C10orf67: variants seen among roughly 807,000 people sequenced by gnomAD.
The protein encoded by C10orf67 is uncharacterized protein C10orf67, mitochondrial.
Under a neutral mutation model 35.6 loss-of-function variants are expected in C10orf67, and 60 were observed. The ratio of observed to expected loss-of-function variants is 1.68; its 90% CI spans 1.37 to 2.09. The LOEUF (loss-of-function observed/expected upper bound fraction) is 2.09, where lower values mean the gene tolerates loss of function less well. Among genes scored for constraint, C10orf67 ranks in the 30% most tolerant of loss-of-function variants. The probability of loss-of-function intolerance (pLI) is 0.00; values close to 1 mark genes in which losing one functional copy is unlikely to be tolerated. For synonymous variants in C10orf67, 167 were observed against 115.8 expected (o/e 1.44, Z -2.84); for missense variants, 474 against 330.2 (o/e 1.44, Z -3.38).
In C10orf67 at chr10:23,303,459, G is replaced by T; in HGVS notation, c.547C>A (p.Gln183Lys). Reference sequence around the variant, plus strand: ...TTCTCTTCTTCTACCTCAAAGAATTGCTAGGGACAAAAAAAAGCAGCATTA... The same window carrying T: ...TTCTCTTCTTCTACCTCAAAGAATTTCTAGGGACAAAAAAAAGCAGCATTA... ...AIAVIKGMYQ[Q>K]FFEVEEENVS... The change falls in exon 5 of 16, where the codon CAA becomes AAA. Residue 183 changes from glutamine to lysine, a missense_variant and splice_region_variant. By Grantham distance (53) the Gln-to-Lys change is moderately conservative. Transcript: ENST00000636213. 1.8e-6 allele frequency: 1 copy of T among 547,296 alleles called. No individual in the cohort carries two copies. Among genetic ancestry groups the T allele is most frequent in the Non-Finnish European group, 3.3e-6 (1 of 302,570 alleles). The allele number at this position is 547,296 out of a possible 1,614,324, so 33.9% of individuals were successfully genotyped here. A position where few individuals can be genotyped will look rare whatever the true frequency, so the allele number is the denominator to read the frequency against.
intron 7 of C10orf67, among the ~76,000 whole-genome samples, chr10:23,285,130 A>T (rs1196917954): frequency 6.6e-6 from 1 of 152,136 alleles, no homozygotes. Context: ...TTCAGTCCAC[A>T]CAGTACGCCT....
intron 10 of C10orf67, among the ~76,000 whole-genome samples, chr10:23,264,004 T>G (rs1228676038): frequency 6.6e-6 from 1 of 152,132 alleles, no homozygotes; most frequent in Non-Finnish European, 1.5e-5. Context: ...TGACACAGAT[T>G]TCAAAAAAAT....
At chr10:23,256,306 G>C (rs997389724) in intron 10 of C10orf67, among the ~76,000 whole-genome samples, 3 of 152,010 alleles carry the variant, frequency 2.0e-5, no homozygotes, top group Admixed American at 1.3e-4. Flanking sequence ...GTCTGGCCCT[G>C]TATCCATTTT....
At chr10:23,316,489 C>A (rs1844716531) in intron 4 of C10orf67, among the ~76,000 whole-genome samples, 1 of 152,200 alleles carries the variant, frequency 6.6e-6, no homozygotes, top group African/African-American at 2.4e-5. Context: ...TGTGTTTCAG[C>A]CCTGTTTTTA....
chr10:23,309,447 A>G (rs1390746710), intron 4 of C10orf67, among the ~76,000 whole-genome samples: 1 of 152,204 alleles, frequency 6.6e-6, no homozygotes, highest in Non-Finnish European at 1.5e-5. Flanking sequence ...TACAATGTTC[A>G]ATATTGGGGG....
chr10:23,284,946 T>G (rs1462790126), intron 7 of C10orf67, among the ~76,000 whole-genome samples: 1 of 152,198 alleles, frequency 6.6e-6, no homozygotes, highest in Non-Finnish European at 1.5e-5. Context: ...ATGCATTTTG[T>G]TTTTTCTAGC....
At chr10:23,221,653 C>A (rs1407141473) in intron 15 of C10orf67, among the ~76,000 whole-genome samples, 1 of 152,224 alleles carries the variant, frequency 6.6e-6, no homozygotes, top group East Asian at 1.9e-4. Context: ...GCTATTTTGT[C>A]CCTTTAAATG....
intron 8 of C10orf67, among the ~76,000 whole-genome samples, chr10:23,275,722 T>G (rs911714955): frequency 1.3e-5 from 2 of 152,140 alleles, no homozygotes; most frequent in Admixed American, 6.6e-5. Context: ...CCTCTGTGTT[T>G]CCCTTGATGT....
In C10orf67 at chr10:23,303,467, CA is replaced by C. The variant is rs139760877; in HGVS notation, c.547-9del. ...TTCTACCTCAAAGAATTGCTAGGGA[CA>C]AAAAAAAGCAGCATTAAAAATTAGA... is the stretch of plus-strand genomic sequence containing the variant. On this transcript the variant is annotated splice_polypyrimidine_tract_variant and intron_variant, in intron 4 of 15. Transcript: ENST00000636213. The C allele has an allele frequency of 2.2e-4, 117 of 525,534 alleles. No individual in the cohort carries two copies. Among genetic ancestry groups the C allele is most frequent in the South Asian group, 5.4e-4 (17 of 31,592 alleles). The allele number at this position is 525,534 out of a possible 1,614,324, so 32.6% of individuals were successfully genotyped here.
intron 10 of C10orf67, among the ~76,000 whole-genome samples, chr10:23,263,951 T>C (rs1818781131): frequency 6.6e-6 from 1 of 152,246 alleles, no homozygotes; most frequent in African/African-American, 2.4e-5. Context: ...AGTTTATCAC[T>C]GTGTGCTCCG....
intron 4 of C10orf67, 31 bp from the exon 5 acceptor site, chr10:23,303,490 T>C (rs1250407588): frequency 6.3e-6 from 3 of 479,268 alleles, no homozygotes; most frequent in Non-Finnish European, 1.1e-5. Context: ...CATTAAAAAT[T>C]AGACACTAAG....
intron 10 of C10orf67, among the ~76,000 whole-genome samples, chr10:23,251,275 C>G (rs945279682): frequency 6.6e-6 from 1 of 152,136 alleles, no homozygotes; most frequent in Admixed American, 6.5e-5. Context: ...TAAGCTGCCC[C>G]TTTTTGTAAA....
At chr10:23,279,501 T>C (rs1801452941) in intron 8 of C10orf67, among the ~76,000 whole-genome samples, 2 of 152,238 alleles carry the variant, frequency 1.3e-5, no homozygotes, top group South Asian at 4.1e-4. Flanking sequence ...GGTAACTCAG[T>C]GCTGTGCCCC....
chr10:23,224,474 T>TC (rs1841678078), intron 13 of C10orf67, among the ~76,000 whole-genome samples: 1 of 151,982 alleles, frequency 6.6e-6, no homozygotes, highest in Non-Finnish European at 1.5e-5. Context: ...AGAGCTCCTC[T>TC]CCCCCTCCAA....
At chr10:23,309,314 C>T (rs1421513539) in intron 4 of C10orf67, among the ~76,000 whole-genome samples, 1 of 152,146 alleles carries the variant, frequency 6.6e-6, no homozygotes, top group African/African-American at 2.4e-5. Flanking sequence ...CACATGTTCT[C>T]ACTTCTAAGT....
chr10:23,263,720 C>T (rs1210463591), intron 10 of C10orf67, among the ~76,000 whole-genome samples: 22 of 152,128 alleles, frequency 1.4e-4, no homozygotes, highest in Non-Finnish European at 2.9e-4. Flanking sequence ...TTGGGTGCAA[C>T]CATAATTAAC....
chr10:23,333,038 G>A, intron 2 of C10orf67, 24 bp downstream of exon 2: 3 of 1,602,382 alleles, frequency 1.9e-6, no homozygotes, highest in Non-Finnish European at 2.6e-6. Flanking sequence ...TATCTCAGAA[G>A]TTTCAGAACA....
At chr10:23,288,896 A>C (rs923129083) in intron 7 of C10orf67, among the ~76,000 whole-genome samples, 1 of 152,160 alleles carries the variant, frequency 6.6e-6, no homozygotes, top group Admixed American at 6.5e-5. Context: ...TATTCTATTC[A>C]TCTCTTGGAG....
In C10orf67 at chr10:23,322,464, T is replaced by C. The variant is rs1210879652; in HGVS notation, c.401A>G (p.Lys134Arg). 1 of 1,612,040 alleles carries C rather than the reference T, an allele frequency of 6.2e-7. No homozygotes were observed. The highest frequency in any genetic ancestry group is 1.1e-5 in the South Asian group (1 of 91,010). ...GGTGAAGAGACTCAAAGATTCCTCT[T>C]TCAGTCGGTCCTCAAACTTCAACTG... ...LLQLKFEDRL[K>R]EESLSLFTIL... Residue 134 changes from lysine (K) to arginine (R), a missense_variant, in exon 3 of 16, where the codon AAA (lysine) becomes AGA (arginine). Lys to Arg is a conservative substitution (Grantham distance 26, BLOSUM62 2). Transcript: ENST00000636213.
Sources: gnomAD v4.1 joint callset for allele counts (sites outside exome capture counted in the v4.1 genomes callset) on GRCh38, gnomAD v4.1.1 for gene constraint, MANE v1.5 for transcripts, NCBI Gene and HGNC (gene_info 2026-07-23, HGNC 2026-07-21) for gene names.